The following SIK2 variants were observed in gnomAD, a reference collection of about 807,000 sequenced individuals.
The protein encoded by SIK2 is salt inducible kinase 2.
A neutral mutation model predicts 103.2 loss-of-function variants in SIK2; 29 were observed. The observed-to-expected ratio is 0.28, with a 90% CI of 0.21 to 0.38. The LOEUF (loss-of-function observed/expected upper bound fraction) is 0.38. Among genes scored for constraint, SIK2 ranks in the 10% least tolerant of loss-of-function variants. The pLI is 1.00. For synonymous variants in SIK2, 412 were observed against 446.1 expected (o/e 0.92, Z 0.96); for missense variants, 879 against 1,171.0 (o/e 0.75, Z 3.64).
rs980883445 is a variant in SIK2 at position 111,729,101 on chromosome 11, G to A, written c.*4972G>A. 1.3e-5 allele frequency: 2 copies of A among 152,256 alleles called. No individual in the cohort carries two copies. Among genetic ancestry groups the A allele is most frequent in the African/African-American group, 2.4e-5 (1 of 41,452 alleles). 9.4% of individuals were successfully genotyped at this position (152,256 alleles called of 1,614,324 possible). On this transcript the variant is annotated 3_prime_UTR_variant, in exon 15 of 15. Transcript: ENST00000304987. ...GTGGCAGGTGAACGAAAGCAGTGGA[G>A]CCTCTCACCTTCCAGTAGCCTCTCA...
At position 111,703,320 on chromosome 11, in the gene SIK2, T is replaced by C. The variant is rs920988140; in HGVS notation, c.845T>C (p.Leu282Pro). 4.3e-6 allele frequency: 7 copies of C among 1,614,220 alleles called. No homozygotes were observed. The highest frequency in any genetic ancestry group is 5.1e-6 in the Non-Finnish European group (6 of 1,180,018). The change falls in exon 7 of 15, where the codon CTC (leucine) becomes CCC (proline). Residue 282 changes from leucine to proline, a missense_variant. Physicochemically the swap from Leu to Pro is moderately conservative, Grantham distance 98. Transcript: ENST00000304987. ...GAAGTTCCTGTCCAGAGACCTGTTC[T>C]CTATCCACAAGAGCAAGAAAATGAG... ...LIEVPVQRPV[L>P]YPQEQENEPS...
At chr11:111,643,097 A>G (rs1342452074) in intron 3 of SIK2, among the ~76,000 whole-genome samples, 1 of 152,004 alleles carries the variant, frequency 6.6e-6, no homozygotes, top group African/African-American at 2.4e-5. Context: ...GTAAAGTACT[A>G]TTATTATTGG....
At chr11:111,675,749 T>C (rs888049450) in intron 3 of SIK2, among the ~76,000 whole-genome samples, 1 of 152,224 alleles carries the variant, frequency 6.6e-6, no homozygotes, top group Non-Finnish European at 1.5e-5. Flanking sequence ...TTTTTTTCTT[T>C]CTTCCAATTT....
At chr11:111,668,510 A>G (rs1476645692) in intron 3 of SIK2, among the ~76,000 whole-genome samples, 1 of 152,262 alleles carries the variant, frequency 6.6e-6, no homozygotes, top group African/African-American at 2.4e-5. Flanking sequence ...TACACACCTT[A>G]GGTCTGAGCT....
chr11:111,670,359 G>A (rs774875531), intron 3 of SIK2, among the ~76,000 whole-genome samples: 67 of 152,274 alleles, frequency 4.4e-4, no homozygotes, highest in African/African-American at 1.2e-3. Context: ...AATTTTCTTC[G>A]TGAAACGTAA....
At position 111,726,805 on chromosome 11, in the gene SIK2, G is replaced by T; in HGVS notation, c.*2676G>T. The T allele has an allele frequency of 1.6e-6, 1 of 642,364 alleles. No individual in the cohort carries two copies. The highest frequency in any genetic ancestry group is 2.7e-5 in the East Asian group (1 of 36,512). The allele number at this position is 642,364 out of a possible 1,614,324, so 39.8% of individuals were successfully genotyped here. ...CTTTCCAGTCTGATTCACGTTAGCA[G>T]TGTGTACACTACTGTATCATCATCA... is the stretch of plus-strand genomic sequence containing the variant. On this transcript the variant is annotated 3_prime_UTR_variant, in exon 15 of 15. Transcript: ENST00000304987.
chr11:111,710,265 A>G (rs1048787252), intron 8 of SIK2, among the ~76,000 whole-genome samples: 1 of 152,230 alleles, frequency 6.6e-6, no homozygotes, highest in Non-Finnish European at 1.5e-5. Flanking sequence ...GGCACAGAAT[A>G]TAAGCTTGAG....
chr11:111,711,163 G>C (rs1254085774), intron 8 of SIK2, among the ~76,000 whole-genome samples: 1 of 150,824 alleles, frequency 6.6e-6, no homozygotes, highest in African/African-American at 2.4e-5. Flanking sequence ...CTGTTGCCCA[G>C]GCTGGAGTGC....
intron 3 of SIK2, among the ~76,000 whole-genome samples, chr11:111,640,507 A>T (rs986865718): frequency 6.6e-6 from 1 of 152,178 alleles, no homozygotes; most frequent in African/African-American, 2.4e-5. Flanking sequence ...AACATTAAAT[A>T]GTATAACATT....
intron 3 of SIK2, among the ~76,000 whole-genome samples, chr11:111,644,369 C>G (rs1255842740): frequency 4.0e-5 from 6 of 149,776 alleles, no homozygotes; most frequent in Admixed American, 3.3e-4. Context: ...GGAGTAAAGC[C>G]AAAGGAAACT....
chr11:111,620,160 A>G (rs2135839800), intron 2 of SIK2, among the ~76,000 whole-genome samples, 179 bp from the exon 3 acceptor site: 1 of 152,322 alleles, frequency 6.6e-6, no homozygotes, highest in Non-Finnish European at 1.5e-5. Context: ...CAAGGATCTC[A>G]ATTTTTCACA....
At chr11:111,622,972 C>G (rs1175312273) in intron 3 of SIK2, among the ~76,000 whole-genome samples, 1 of 152,110 alleles carries the variant, frequency 6.6e-6, no homozygotes, top group Non-Finnish European at 1.5e-5. Context: ...TATTTTTCAG[C>G]CATTATTTTC....
In SIK2 at chr11:111,609,868, T is replaced by C. The variant is rs145811420; in HGVS notation, c.136-6375T>C. On this transcript the variant is annotated intron_variant, in intron 1 of 14. Coordinates refer to ENST00000304987, the MANE Select transcript of SIK2 (RefSeq NM_015191.3). The stretch of plus-strand genomic sequence containing the variant: ...GATTTGTTGTATAAGCTGAAAGTTG[T>C]ATTTATTTTTTAATTTCAAAGGTCT... 2.4e-3 allele frequency among the ~76,000 whole-genome samples: 367 copies of C among 152,334 alleles called. 4 individuals are homozygous for C. Among genetic ancestry groups the C allele is most frequent in the Non-Finnish European group, 8.8e-4 (60 of 68,020 alleles).
In SIK2 at chr11:111,712,496, T is replaced by C. The variant is rs1014844752; in HGVS notation, c.1266+121T>C. 4.7e-6 allele frequency: 5 copies of C among 1,060,360 alleles called. No homozygotes were observed. The Admixed American group carries it at 1.1e-4, about 23-fold the overall frequency. The allele number at this position is 1,060,360 out of a possible 1,614,324, so 65.7% of individuals were successfully genotyped here. A position where few individuals can be genotyped will look rare whatever the true frequency, so the allele number is the denominator to read the frequency against. On this transcript the variant is annotated intron_variant, in intron 9 of 14. Transcript: ENST00000304987. ...ATTTCGTTAAGTCACTCAGGAGTGATGCTTTTGTGGAGAAAAACCTTAGAA... is the reference window on the plus strand; with the variant it reads ...ATTTCGTTAAGTCACTCAGGAGTGACGCTTTTGTGGAGAAAAACCTTAGAA...
At chr11:111,670,589 CTTTAAA>C (rs1481190347) in intron 3 of SIK2, among the ~76,000 whole-genome samples, 1 of 152,184 alleles carries the variant, frequency 6.6e-6, no homozygotes, top group Non-Finnish European at 1.5e-5. Context: ...GCGTGATGAA[CTTTAAA>C]TTTAAAGTAG....
chr11:111,674,745 G>A (rs966259414), intron 3 of SIK2, among the ~76,000 whole-genome samples: 1 of 151,714 alleles, frequency 6.6e-6, no homozygotes, highest in Non-Finnish European at 1.5e-5. Context: ...TTTCTACTGT[G>A]ATAATTTTTT....
intron 3 of SIK2, among the ~76,000 whole-genome samples, chr11:111,682,720 C>T (rs1330640361): frequency 6.6e-6 from 1 of 152,114 alleles, no homozygotes; most frequent in Admixed American, 6.6e-5. Flanking sequence ...TATGTATGTA[C>T]AAAACTTTCA....
In SIK2 at chr11:111,726,352, G is replaced by C. The variant is rs1943966184; in HGVS notation, c.*2223G>C. 6.6e-6 allele frequency: 1 copy of C among 152,432 alleles called. No individual in the cohort carries two copies. The highest frequency in any genetic ancestry group is 1.5e-5 in the Non-Finnish European group (1 of 68,248). The allele number at this position is 152,432 out of a possible 1,614,324, so 9.4% of individuals were successfully genotyped here. A position where few individuals can be genotyped will look rare whatever the true frequency, so the allele number is the denominator to read the frequency against. On this transcript the variant is annotated 3_prime_UTR_variant, in exon 15 of 15. Transcript: ENST00000304987. Reference sequence around the variant, plus strand: ...AGGACGGTTAGGCCAGCCGATGAGGGACTGCAGAGAGGCTACTGGAAGGTT... The same window carrying C: ...AGGACGGTTAGGCCAGCCGATGAGGCACTGCAGAGAGGCTACTGGAAGGTT...
chr11:111,624,779 A>T (rs1198108880), intron 3 of SIK2, among the ~76,000 whole-genome samples: 1 of 152,134 alleles, frequency 6.6e-6, no homozygotes, highest in Non-Finnish European at 1.5e-5. Context: ...GAGGCATGGG[A>T]GTTGATTGCA....
Sources: gnomAD v4.1 joint callset for allele counts (sites outside exome capture counted in the v4.1 genomes callset) on GRCh38, gnomAD v4.1.1 for gene constraint, MANE v1.5 for transcripts, NCBI Gene and HGNC (gene_info 2026-07-23, HGNC 2026-07-21) for gene names.